NOM1: variants seen among roughly 807,000 people sequenced by gnomAD.
NOM1 encodes nucleolar MIF4G domain-containing protein 1.
Under a neutral mutation model 73.3 loss-of-function variants are expected in NOM1, and 58 were observed. The observed-to-expected ratio is 0.79, with a 90% CI of 0.64 to 0.99. The LOEUF (loss-of-function observed/expected upper bound fraction) is 0.99, where lower values mean the gene tolerates loss of function less well. Ranked by LOEUF, NOM1 falls within the 50% of genes least tolerant of loss-of-function variation. The pLI, the probability that NOM1 is intolerant of heterozygous loss-of-function variation, is 0.00. For missense variants in NOM1, 1,226 were observed against 1,131.9 expected (o/e 1.08, Z -1.19); for synonymous variants, 487 against 446.8 (o/e 1.09, Z -1.14).
At position 156,969,737 on chromosome 7, in the gene NOM1, C is replaced by A; in HGVS notation, c.*34C>A. ...GGAAGGAGGGCAGGTGGCCCTTTGA[C>A]TGTAAAATGTCCTTGGTAAACCCAA... On this transcript the variant is annotated 3_prime_UTR_variant, in exon 11 of 11. Coordinates refer to ENST00000275820, the MANE Select transcript of NOM1 (RefSeq NM_138400.2). The A allele has an allele frequency of 1.9e-6, 3 of 1,577,624 alleles. No individual in the cohort carries two copies. Among genetic ancestry groups the A allele is most frequent in the Non-Finnish European group, 2.6e-6 (3 of 1,162,166 alleles).
rs1436387822 is a variant in NOM1 at position 156,950,561 on chromosome 7, A to C, written c.824A>C (p.Glu275Ala). 6.2e-7 allele frequency: 1 copy of C among 1,609,864 alleles called. No individual in the cohort carries two copies. The highest frequency in any genetic ancestry group is 1.7e-5 in the Admixed American group (1 of 58,948). The part of the protein sequence containing the change: ...GDVEKEKKAQ[E>A]AEAQSEDDDE... ...GTAGAAAAGGAAAAGAAGGCGCAGG[A>C]AGCAGAAGCGCAGAGCGAGGACGAC... The change falls in exon 1 of 11, where the codon GAA becomes GCA. Residue 275 changes from glutamate to alanine, a missense_variant. Physicochemically the swap from Glu to Ala is moderately radical, Grantham distance 107. Coordinates refer to ENST00000275820, the MANE Select transcript of NOM1 (RefSeq NM_138400.2).
At chr7:156,953,789 G>A (rs1804652610) in intron 2 of NOM1, among the ~76,000 whole-genome samples, 1 of 152,134 alleles carries the variant, frequency 6.6e-6, no homozygotes, top group South Asian at 2.1e-4. Flanking sequence ...CCTGCCTATG[G>A]GATATCAGGT....
chr7:156,957,560 G>A (rs1804753209), intron 3 of NOM1, among the ~76,000 whole-genome samples: 1 of 152,200 alleles, frequency 6.6e-6, no homozygotes, highest in South Asian at 2.1e-4. Flanking sequence ...TGGATCATGA[G>A]GTCAGGAGAT....
intron 6 of NOM1, 80 bp downstream of exon 6, chr7:156,963,255 C>G (rs1219761564): frequency 8.9e-6 from 13 of 1,468,544 alleles, no homozygotes; most frequent in Non-Finnish European, 1.2e-5. Flanking sequence ...CCTGGAGCAG[C>G]TCTCTTACTG....
In NOM1 at chr7:156,949,958, T is replaced by C; in HGVS notation, c.221T>C (p.Phe74Ser). The change falls in exon 1 of 11, where the codon TTT (phenylalanine) becomes TCT (serine). Residue 74 changes from phenylalanine (F) to serine (S), a missense_variant. Phe to Ser is a radical substitution (Grantham distance 155, BLOSUM62 -2). Coordinates refer to ENST00000275820, the MANE Select transcript of NOM1 (RefSeq NM_138400.2). ...GAGGGGCGCGGCGCCCCGGTGAGCTTTCGCCCGGGAGGGAGAAAAAGCCGT... is the reference window on the plus strand; with the variant it reads ...GAGGGGCGCGGCGCCCCGGTGAGCTCTCGCCCGGGAGGGAGAAAAAGCCGT... ...GCEGRGAPVS[F>S]RPGGRKSRKE... The C allele has an allele frequency of 6.5e-7, 1 of 1,541,320 alleles. No individual in the cohort carries two copies. The highest frequency in any genetic ancestry group is 1.7e-4 in the Middle Eastern group (1 of 5,962).
intron 5 of NOM1, 43 bp from the exon 6 acceptor site, chr7:156,962,965 G>A: frequency 1.3e-6 from 2 of 1,588,018 alleles, no homozygotes; most frequent in Non-Finnish European, 1.7e-6. Flanking sequence ...GACGGAATAT[G>A]AACCAATTAA....
At chr7:156,960,501 G>C (rs1804837825) in intron 4 of NOM1, among the ~76,000 whole-genome samples, 3 of 152,200 alleles carry the variant, frequency 2.0e-5, no homozygotes. Context: ...TGGGTCTTCT[G>C]AGCCTCAGTT....
Position 156,962,978 on chromosome 7 carries a change from G to A in NOM1, c.1744-30G>A, listed in dbSNP as rs758466367. On this transcript the variant is annotated intron_variant, in intron 5 of 10. Coordinates refer to ENST00000275820, the MANE Select transcript of NOM1 (RefSeq NM_138400.2). ...AGGACGGAATATGAACCAATTAAAA[G>A]CATTTCATTAGCTCTTCTCTCTTCA... is the stretch of plus-strand genomic sequence containing the variant. 6 of 1,597,556 alleles carry A rather than the reference G, an allele frequency of 3.8e-6. No individual in the cohort carries two copies. In the Admixed American group the frequency reaches 5.0e-5, roughly 13 times the overall value.
chr7:156,963,756 A>G, intron 6 of NOM1, 149 bp from the exon 7 acceptor site: 1 of 763,022 alleles, frequency 1.3e-6, no homozygotes, highest in South Asian at 2.1e-5. Context: ...CCTTGCACAG[A>G]GGGGCGTTGC....
rs1804934546 is a variant in NOM1, at chr7:156,963,967, C to T, written c.1974C>T (p.Asn658=). 1 of 1,613,938 alleles carries T rather than the reference C, an allele frequency of 6.2e-7. No homozygotes were observed. Among genetic ancestry groups the T allele is most frequent in the South Asian group, 1.1e-5 (1 of 91,076 alleles). ...GGATGAACACAGACATCCGGAGAAACATATTCTGCACAATAATGACAAGTG... is the reference window on the plus strand; with the variant it reads ...GGATGAACACAGACATCCGGAGAAATATATTCTGCACAATAATGACAAGTG... ...KQRMNTDIRR[N]IFCTIMTSED... Residue 658 remains asparagine (N), a synonymous_variant, in exon 7 of 11, where the codon AAC becomes AAT. Coordinates refer to ENST00000275820, the MANE Select transcript of NOM1 (RefSeq NM_138400.2).
Position 156,962,183 on chromosome 7 carries a change from G to A in NOM1, c.1665G>A (p.Leu555=). ...IRFMLETMLA[L]KNNDMRKIPG... Reference sequence around the variant, plus strand: ...TTATGCTAGAGACGATGTTGGCCCTGAAGAACAATGACATGCGCAAAATTC... The same window carrying A: ...TTATGCTAGAGACGATGTTGGCCCTAAAGAACAATGACATGCGCAAAATTC... Residue 555 remains leucine (L), a synonymous_variant, in exon 5 of 11, where the codon CTG becomes CTA. Coordinates refer to ENST00000275820, the MANE Select transcript of NOM1 (RefSeq NM_138400.2). 6.2e-7 allele frequency: 1 copy of A among 1,614,154 alleles called. No homozygotes were observed. Among genetic ancestry groups the A allele is most frequent in the Non-Finnish European group, 8.5e-7 (1 of 1,180,030 alleles).
At position 156,963,044 on chromosome 7, in the gene NOM1, C is replaced by T. The variant is rs138117452; in HGVS notation, c.1780C>T (p.Arg594Cys). ...CGGCTCAGGTTCTGAGACGCAGCTT[C>T]GCGTCTCCTGGGACAGTGTCTTGAG... The part of the protein sequence containing the change: ...NAGSGSETQL[R>C]VSWDSVLSAE... The change falls in exon 6 of 11, where the codon CGC (arginine) becomes TGC (cysteine). Residue 594 changes from arginine (R) to cysteine (C), a missense_variant. Coordinates refer to ENST00000275820, the MANE Select transcript of NOM1 (RefSeq NM_138400.2). The T allele has an allele frequency of 3.2e-5, 52 of 1,613,638 alleles. No homozygotes were observed. Among genetic ancestry groups the T allele is most frequent in the Admixed American group, 2.0e-4 (12 of 60,010 alleles).
chr7:156,968,285 G>A (rs558959605), intron 9 of NOM1, among the ~76,000 whole-genome samples: 31 of 152,274 alleles, frequency 2.0e-4, no homozygotes, highest in Admixed American at 3.3e-4. Context: ...CGGGAGAGGC[G>A]TGGCAGGAGC....
At chr7:156,965,119 C>T (rs936834265) in intron 7 of NOM1, among the ~76,000 whole-genome samples, 1 of 152,240 alleles carries the variant, frequency 6.6e-6, no homozygotes, top group Non-Finnish European at 1.5e-5. Flanking sequence ...GCCTGCGCTG[C>T]CTTCACCTGA....
chr7:156,959,106 C>CT lies in NOM1; in HGVS notation c.1309-730dup, dbSNP rs5888696. On this transcript the variant is annotated intron_variant, in intron 3 of 10. Coordinates refer to ENST00000275820, the MANE Select transcript of NOM1 (RefSeq NM_138400.2). ...AAATGAATATTGTTAGGTAGTGGAA[C>CT]TTTTTTTTTTTTTTTACACAGAGTC... 8.1e-4 allele frequency among the ~76,000 whole-genome samples: 119 copies of CT among 147,158 alleles called. No homozygotes were observed. In the East Asian group the frequency reaches 0.015, roughly 19 times the overall value.
rs947735991 is a variant in NOM1, at chr7:156,964,125, C to T, written c.2033+99C>T. On this transcript the variant is annotated intron_variant, in intron 7 of 10. Transcript: ENST00000275820. ...TTTTGGACGACTGAGTCTGATGCTG[C>T]CTAGGGAGGACTGGGCTGTTCTCAT... 60 of 1,297,964 alleles carry T rather than the reference C, an allele frequency of 4.6e-5. No homozygotes were observed. The African/African-American group carries it at 8.0e-4, about 17-fold the overall frequency. 80.4% of individuals were successfully genotyped at this position (1,297,964 alleles called of 1,614,324 possible). A position where few individuals can be genotyped will look rare whatever the true frequency, so the allele number is the denominator to read the frequency against.
At position 156,952,543 on chromosome 7, in the gene NOM1, A is replaced by G; in HGVS notation, c.1057A>G (p.Lys353Glu). Residue 353 changes from lysine (K) to glutamate (E), a missense_variant, in exon 2 of 11, where the codon AAG (lysine) becomes GAG (glutamate). Lys to Glu is a moderately conservative substitution (Grantham distance 56). Transcript: ENST00000275820. ...GCAAGCTGAGGAGACAGTGGACTTC[A>G]AGAAAAAGGAAGAACTAGAAAGGCT... ...VRQAEETVDF[K>E]KKEELERLKK... 1.2e-6 allele frequency: 2 copies of G among 1,614,154 alleles called. No individual in the cohort carries two copies.
chr7:156,963,950 A>G lies in NOM1; in HGVS notation c.1957A>G (p.Thr653Ala). 1 of 1,614,128 alleles carries G rather than the reference A, an allele frequency of 6.2e-7. No homozygotes were observed. The highest frequency in any genetic ancestry group is 8.5e-7 in the Non-Finnish European group (1 of 1,179,974). The change falls in exon 7 of 11, where the codon ACA becomes GCA. Residue 653 changes from threonine (T) to alanine (A), a missense_variant. Transcript: ENST00000275820. ...LELARKQRMNTDIRRNIFCTI... is the reference protein window; with the variant it reads ...LELARKQRMNADIRRNIFCTI... Reference sequence around the variant, plus strand: ...ACTCGCCCGGAAGCAGAGGATGAACACAGACATCCGGAGAAACATATTCTG... The same window carrying G: ...ACTCGCCCGGAAGCAGAGGATGAACGCAGACATCCGGAGAAACATATTCTG...
At chr7:156,963,744 C>A (rs1804926584) in intron 6 of NOM1, 161 bp from the exon 7 acceptor site, 2 of 658,476 alleles carry the variant, frequency 3.0e-6, no homozygotes, top group African/African-American at 1.8e-5. Flanking sequence ...ACTATGTGTT[C>A]CCCTTGCACA....
Sources: allele counts gnomAD v4.1 joint callset (sites outside exome capture counted in the v4.1 genomes callset), GRCh38; gene constraint gnomAD v4.1.1; transcripts MANE v1.5; gene names NCBI Gene and HGNC (gene_info 2026-07-23, HGNC 2026-07-21).